ASIP: variants seen among roughly 807,000 people sequenced by gnomAD.
ASIP encodes agouti-signaling protein.
Under a neutral mutation model 10.3 loss-of-function variants are expected in ASIP, and 11 were observed. The observed-to-expected ratio is 1.07, with a 90% CI of 0.68 to 1.78. The LOEUF (loss-of-function observed/expected upper bound fraction) is 1.78. Ranked by LOEUF, ASIP falls within the 40% of genes most tolerant of loss-of-function variation. The pLI is 0.00. For missense variants in ASIP, 180 were observed against 169.2 expected (o/e 1.06, Z -0.35); for synonymous variants, 70 against 70.8 (o/e 0.99, Z 0.06).
chr20:34,236,172 G>GA (rs755928369), intron 1 of ASIP, among the ~76,000 whole-genome samples: 2 of 151,802 alleles, frequency 1.3e-5, no homozygotes, highest in Non-Finnish European at 2.9e-5. Context: ...GGAAAAGAAA[G>GA]AAAGAAAGAA....
chr20:34,248,776 G>A (rs1411764741), intron 1 of ASIP, among the ~76,000 whole-genome samples: 1 of 152,020 alleles, frequency 6.6e-6, no homozygotes, highest in African/African-American at 2.4e-5. Context: ...TTCCAGCCTG[G>A]GTGACAGAGC....
At chr20:34,224,743 C>A (rs959252827) in intron 1 of ASIP, among the ~76,000 whole-genome samples, 1 of 152,160 alleles carries the variant, frequency 6.6e-6, no homozygotes, top group Non-Finnish European at 1.5e-5. Flanking sequence ...GGCTCCCACA[C>A]CTGCCTAATC....
chr20:34,211,689 T>C (rs1220528493), intron 1 of ASIP, among the ~76,000 whole-genome samples: 2 of 152,228 alleles, frequency 1.3e-5, no homozygotes, highest in Admixed American at 1.3e-4. Flanking sequence ...CCCAACTTAG[T>C]TATTTTCTTT....
At chr20:34,233,309 G>A (rs1324212107) in intron 1 of ASIP, among the ~76,000 whole-genome samples, 2 of 151,776 alleles carry the variant, frequency 1.3e-5, no homozygotes, top group Non-Finnish European at 2.9e-5. Context: ...CACCATGCCC[G>A]GCTAATTTTT....
Position 34,260,386 on chromosome 20 carries a change from C to A in ASIP, c.12C>A (p.Thr4=). The A allele has an allele frequency of 1.2e-6, 2 of 1,613,650 alleles. No individual in the cohort carries two copies. The highest frequency in any genetic ancestry group is 1.7e-6 in the Non-Finnish European group (2 of 1,179,712). MDV[T]RLLLATLLVF... ...TCAGGCCTCCTGGGATGGATGTCAC[C>A]CGCTTACTCCTGGCCACCCTGCTGG... Residue 4 remains threonine (T), a synonymous_variant, in exon 2 of 4, where the codon ACC becomes ACA. Transcript: ENST00000374954.
chr20:34,263,001 C>T (rs1370818266), intron 3 of ASIP, 108 bp downstream of exon 3: 15 of 1,281,870 alleles, frequency 1.2e-5, no homozygotes, highest in Non-Finnish European at 1.6e-5. Flanking sequence ...TTTTTCAGGC[C>T]TATATTAACA....
At chr20:34,223,613 C>A (rs1158518915) in intron 1 of ASIP, among the ~76,000 whole-genome samples, 3 of 139,984 alleles carry the variant, frequency 2.1e-5, no homozygotes, top group African/African-American at 8.8e-5. Flanking sequence ...CAGCCCCCCG[C>A]CCGGCCAGCC....
At chr20:34,188,306 G>A in the ASIP span, among the ~76,000 whole-genome samples, 11 of 152,096 alleles carry the variant, frequency 7.2e-5, no homozygotes, top group South Asian at 4.2e-4. Flanking sequence ...TTTTGTCTCC[G>A]AAAGCTTAGA....
intron 1 of ASIP, among the ~76,000 whole-genome samples, chr20:34,218,685 A>G (rs2035025551): frequency 6.6e-6 from 1 of 150,478 alleles, no homozygotes; most frequent in South Asian, 2.1e-4. Context: ...CCTTTTCAGC[A>G]ATTTTTTTTT....
Position 34,218,482 on chromosome 20 carries a change from A to C in ASIP, c.-11+23722A>C, listed in dbSNP as rs76168326. On this transcript the variant is annotated intron_variant, in intron 1 of 3. Coordinates refer to the ASIP transcript ENST00000568305. ...GGCAAAGTGGCATCACCCATTTATC[A>C]TTTTTTATTACTGAGCAATAGCAGC... Among the ~76,000 whole-genome samples the C allele has an allele frequency of 2.0e-5, 3 of 152,230 alleles. No individual in the cohort carries two copies. In the East Asian group the frequency reaches 5.8e-4, roughly 29 times the overall value.
chr20:34,197,291 G>A (rs1242026274), intron 1 of ASIP, among the ~76,000 whole-genome samples: 4 of 152,130 alleles, frequency 2.6e-5, no homozygotes, highest in African/African-American at 9.7e-5. Context: ...AACTCAGGAG[G>A]CGGGGGTTGC....
intron 1 of ASIP, among the ~76,000 whole-genome samples, chr20:34,233,143 CTTTTT>C (rs755217642): frequency 2.0e-5 from 2 of 100,308 alleles, no homozygotes; most frequent in Non-Finnish European, 1.9e-5. Context: ...GGGACAAGAG[CTTTTT>C]TTTTTTTTTT....
At chr20:34,209,432 C>T (rs1195977032) in intron 1 of ASIP, among the ~76,000 whole-genome samples, 3 of 152,198 alleles carry the variant, frequency 2.0e-5, no homozygotes, top group Non-Finnish European at 4.4e-5. Context: ...CAGGCAGGAA[C>T]CCCACCCTCC....
chr20:34,197,570 G>A (rs1177081685), intron 1 of ASIP, among the ~76,000 whole-genome samples: 3 of 152,166 alleles, frequency 2.0e-5, no homozygotes, highest in Admixed American at 6.5e-5. Context: ...GGAAGTGTAC[G>A]CAGTGACCAC....
At chr20:34,200,557 A>G (rs1359527855) in intron 1 of ASIP, among the ~76,000 whole-genome samples, 1 of 152,198 alleles carries the variant, frequency 6.6e-6, no homozygotes, top group Non-Finnish European at 1.5e-5. Flanking sequence ...ACTTGCCCCA[A>G]ATTGTAGTTT....
chr20:34,189,440 C>G, the ASIP span, among the ~76,000 whole-genome samples: 1 of 152,022 alleles, frequency 6.6e-6, no homozygotes, highest in Non-Finnish European at 1.5e-5. Flanking sequence ...CGGGGTTTCT[C>G]CATGTTGGTC....
chr20:34,244,361 T>C (rs1427413122), intron 1 of ASIP, among the ~76,000 whole-genome samples: 2 of 152,238 alleles, frequency 1.3e-5, no homozygotes, highest in Non-Finnish European at 2.9e-5. Flanking sequence ...TTTCATTGGT[T>C]AGCAGAATTT....
intron 1 of ASIP, among the ~76,000 whole-genome samples, chr20:34,235,893 G>GC (rs1568756489): frequency 1.1e-5 from 1 of 91,982 alleles, no homozygotes; most frequent in Non-Finnish European, 2.0e-5. Flanking sequence ...AAGGAAGGAA[G>GC]GAAGGAAAGG....
chr20:34,248,131 G>A (rs1329141415), intron 1 of ASIP, among the ~76,000 whole-genome samples: 5 of 152,018 alleles, frequency 3.3e-5, no homozygotes, highest in East Asian at 1.9e-4. Flanking sequence ...GCTTGAACCC[G>A]GGAGGTGAAG....
Sources: allele counts gnomAD v4.1 joint callset (sites outside exome capture counted in the v4.1 genomes callset), GRCh38; gene constraint gnomAD v4.1.1; transcripts MANE v1.5; gene names NCBI Gene and HGNC (gene_info 2026-07-23, HGNC 2026-07-21).